Variants in LCLAT1 observed in about 807,000 individuals in gnomAD.
The protein encoded by LCLAT1 is 1-AGP acyltransferase 8.
Under a neutral mutation model 30.7 loss-of-function variants are expected in LCLAT1, and 11 were observed. The observed-to-expected ratio is 0.36, with a 90% CI of 0.23 to 0.59. LCLAT1 has a LOEUF of 0.59. LCLAT1 is among the 20% of genes least tolerant of loss of function. The probability of loss-of-function intolerance (pLI) is 0.77; values close to 1 mark genes in which losing one functional copy is unlikely to be tolerated. For synonymous variants in LCLAT1, 155 were observed against 151.3 expected (o/e 1.02, Z -0.18); for missense variants, 402 against 458.6 (o/e 0.88, Z 1.13).
chr2:30,594,916 TA>T (rs1666862863), intron 5 of LCLAT1, among the ~76,000 whole-genome samples: 26 of 152,192 alleles, frequency 1.7e-4, no homozygotes, highest in Admixed American at 1.6e-3. Context: ...AATATATACC[TA>T]TATTTTCCCA....
chr2:30,579,464 A>G (rs1168918365), intron 5 of LCLAT1, among the ~76,000 whole-genome samples: 1 of 152,210 alleles, frequency 6.6e-6, no homozygotes, highest in Non-Finnish European at 1.5e-5. Flanking sequence ...ATGTATAACA[A>G]ACACATCCTT....
intron 1 of LCLAT1, among the ~76,000 whole-genome samples, chr2:30,459,930 C>G (rs1682028934): frequency 6.6e-6 from 1 of 152,060 alleles, no homozygotes; most frequent in Non-Finnish European, 1.5e-5. Flanking sequence ...AATAAAATAA[C>G]ACATTTCTGT....
At chr2:30,451,631 A>G (rs982293680) in intron 1 of LCLAT1, among the ~76,000 whole-genome samples, 1 of 122,900 alleles carries the variant, frequency 8.1e-6, no homozygotes, top group African/African-American at 2.8e-5. Flanking sequence ...ACACTGCAGA[A>G]CCAGTTGTAC....
At chr2:30,554,525 T>C (rs1461107177) in intron 3 of LCLAT1, among the ~76,000 whole-genome samples, 1 of 152,214 alleles carries the variant, frequency 6.6e-6, no homozygotes, top group Non-Finnish European at 1.5e-5. Flanking sequence ...TTACCATGTC[T>C]TTAGCCCTCA....
intron 5 of LCLAT1, among the ~76,000 whole-genome samples, chr2:30,633,438 C>T (rs1337461996): frequency 6.6e-6 from 1 of 152,140 alleles, no homozygotes; most frequent in Admixed American, 6.5e-5. Flanking sequence ...CCTGTAATCT[C>T]AGCACTTTGG....
chr2:30,619,510 A>G (rs1668146575), intron 5 of LCLAT1, among the ~76,000 whole-genome samples: 1 of 152,216 alleles, frequency 6.6e-6, no homozygotes, highest in Admixed American at 6.5e-5. Flanking sequence ...AAGATATTCT[A>G]GTGCTAATAA....
intron 4 of LCLAT1, 47 bp from the exon 5 acceptor site, chr2:30,568,013 T>G: frequency 1.0e-6 from 1 of 995,836 alleles, no homozygotes; most frequent in Non-Finnish European, 1.5e-6. Context: ...TTACCTTGTT[T>G]ATTTCCCTTT....
At chr2:30,565,363 G>T (rs148973342) in intron 4 of LCLAT1, among the ~76,000 whole-genome samples, 30 of 152,236 alleles carry the variant, frequency 2.0e-4, no homozygotes, top group African/African-American at 6.7e-4. Flanking sequence ...TCATTCACCT[G>T]ATTTGATGGG....
At chr2:30,453,138 A>G (rs1681644607) in intron 1 of LCLAT1, among the ~76,000 whole-genome samples, 1 of 152,170 alleles carries the variant, frequency 6.6e-6, no homozygotes, top group African/African-American at 2.4e-5. Context: ...GTTTTATATA[A>G]GCGTATATAG....
At chr2:30,604,411 G>C (rs970745691) in intron 5 of LCLAT1, among the ~76,000 whole-genome samples, 2 of 152,072 alleles carry the variant, frequency 1.3e-5, no homozygotes, top group Admixed American at 6.6e-5. Flanking sequence ...AAATATTTTA[G>C]GCTGTGCAGG....
intron 2 of LCLAT1, among the ~76,000 whole-genome samples, chr2:30,528,755 T>A (rs1356379748): frequency 6.6e-6 from 1 of 152,232 alleles, no homozygotes; most frequent in Non-Finnish European, 1.5e-5. Context: ...ACTACCACAG[T>A]ACTAGTAAAA....
chr2:30,487,238 A>G (rs911165496), intron 1 of LCLAT1, among the ~76,000 whole-genome samples: 2 of 152,236 alleles, frequency 1.3e-5, no homozygotes, highest in Non-Finnish European at 2.9e-5. Flanking sequence ...GAAAGAATGC[A>G]AAGTTGGGAA....
At chr2:30,455,388 C>T (rs978767548) in intron 1 of LCLAT1, among the ~76,000 whole-genome samples, 2 of 152,136 alleles carry the variant, frequency 1.3e-5, no homozygotes, top group African/African-American at 2.4e-5. Context: ...ATTTATTTCT[C>T]AGCGTTCTGG....
At chr2:30,571,814 C>T (rs1341219456) in intron 5 of LCLAT1, among the ~76,000 whole-genome samples, 1 of 152,146 alleles carries the variant, frequency 6.6e-6, no homozygotes, top group Admixed American at 6.5e-5. Context: ...GTACAGTAGA[C>T]TTTTGACATT....
Position 30,506,858 on chromosome 2 carries a change from AATTAGCTCATAAAT to A in LCLAT1, c.-4-18725_-4-18712del, listed in dbSNP as rs1215685678. On this transcript the variant is annotated intron_variant, in intron 1 of 5. Coordinates refer to ENST00000379509, the MANE Select transcript of LCLAT1 (RefSeq NM_001002257.3). ...TCTATCCATAGATTTAAAAGAAATT[AATTAGCTCATAAAT>A]ATTTCACTAACGTTTATGGAAAAAA... Among the ~76,000 whole-genome samples the A allele has an allele frequency of 3.3e-5, 5 of 152,328 alleles. No individual in the cohort carries two copies. In the East Asian group the frequency reaches 7.7e-4, roughly 23 times the overall value.
intron 3 of LCLAT1, among the ~76,000 whole-genome samples, chr2:30,538,809 A>C (rs1663951159): frequency 6.6e-6 from 1 of 152,150 alleles, no homozygotes; most frequent in South Asian, 2.1e-4. Flanking sequence ...CTGAACATAT[A>C]AACTTTCAAG....
intron 1 of LCLAT1, among the ~76,000 whole-genome samples, chr2:30,497,802 A>G (rs1042631934): frequency 1.3e-5 from 2 of 152,176 alleles, no homozygotes; most frequent in African/African-American, 2.4e-5. Context: ...AGCGATGCCA[A>G]TAACTTAGGG....
chr2:30,463,509 G>A lies in LCLAT1; in HGVS notation c.-5+16126G>A, dbSNP rs200825683. Reference sequence around the variant, plus strand: ...ATAGTCAGCCCCTCTGTATCCACAGGTTTTGCATTCATAGATTCAACCAAC... The same window carrying A: ...ATAGTCAGCCCCTCTGTATCCACAGATTTTGCATTCATAGATTCAACCAAC... On this transcript the variant is annotated intron_variant, in intron 1 of 5. Coordinates refer to ENST00000379509, the MANE Select transcript of LCLAT1 (RefSeq NM_001002257.3). Among the ~76,000 whole-genome samples the A allele has an allele frequency of 2.4e-4, 37 of 152,174 alleles. No individual in the cohort carries two copies. The East Asian group carries it at 5.6e-3, about 23-fold the overall frequency.
At chr2:30,593,054 T>G (rs550975719) in intron 5 of LCLAT1, among the ~76,000 whole-genome samples, 1 of 152,280 alleles carries the variant, frequency 6.6e-6, no homozygotes, top group South Asian at 2.1e-4. Flanking sequence ...CTTCTCTACA[T>G]CCCTCCCGAC....
Sources: gnomAD v4.1 joint callset for allele counts (sites outside exome capture counted in the v4.1 genomes callset) on GRCh38, gnomAD v4.1.1 for gene constraint, MANE v1.5 for transcripts, NCBI Gene and HGNC (gene_info 2026-07-23, HGNC 2026-07-21) for gene names.